CFAP45: variants seen among roughly 807,000 people sequenced by gnomAD.
CFAP45 encodes the protein cilia and flagella associated protein 45, also known as cilia- and flagella-associated protein 45.
A neutral mutation model predicts 75.6 loss-of-function variants in CFAP45; 43 were observed. That is an observed-to-expected ratio of 0.57 (90% CI 0.45 to 0.73). The LOEUF is 0.73. Among genes scored for constraint, CFAP45 ranks in the 30% least tolerant of loss-of-function variants. The pLI is 0.00. For synonymous variants in CFAP45, 223 were observed against 244.6 expected, an observed-to-expected ratio of 0.91 and a Z score of 0.82; for missense variants, 689 against 701.5, an observed-to-expected ratio of 0.98 and a Z score of 0.20.
chr1:159,889,407 G>GTT (rs1484515069), intron 3 of CFAP45, among the ~76,000 whole-genome samples: 1 of 152,186 alleles, frequency 6.6e-6, no homozygotes, highest in African/African-American at 2.4e-5. Flanking sequence ...ATGTGTGTGT[G>GTT]TTGGGGGAGG....
rs374555697 is a variant in CFAP45 at position 159,873,281 on chromosome 1, C to T, written c.1353-113G>A. On this transcript the variant is annotated intron_variant, in intron 10 of 11. Transcript: ENST00000368099. ...TTCAGTAGACATGCCTCAGAGACCA[C>T]AGCCCTCTGGGCTCCAGCCCCATTT... The T allele has an allele frequency of 1.5e-5, 12 of 800,482 alleles. No homozygotes were observed. In the East Asian group the frequency reaches 2.7e-4, roughly 18 times the overall value. 49.6% of individuals were successfully genotyped at this position (800,482 alleles called of 1,614,324 possible). A position where few individuals can be genotyped will look rare whatever the true frequency, so the allele number is the denominator to read the frequency against.
chr1:159,884,572 G>C lies in CFAP45; in HGVS notation c.768-7C>G, dbSNP rs115172513. 1 of 1,612,904 alleles carries C rather than the reference G, an allele frequency of 6.2e-7. No homozygotes were observed. The highest frequency in any genetic ancestry group is 8.5e-7 in the Non-Finnish European group (1 of 1,179,782). ...CACAATTTGCCGCCTTCCTCTTGGA[G>C]AGAACAGTGCCACAGTGTCTTAGAA... On this transcript the variant is annotated splice_region_variant and splice_polypyrimidine_tract_variant and intron_variant, in intron 6 of 11. Coordinates refer to ENST00000368099, the MANE Select transcript of CFAP45 (RefSeq NM_012337.3).
At chr1:159,885,869 G>A (rs1043056905) in intron 6 of CFAP45, among the ~76,000 whole-genome samples, 3 of 151,776 alleles carry the variant, frequency 2.0e-5, no homozygotes, top group African/African-American at 7.3e-5. Context: ...TTTCCAGGAG[G>A]AAAAGGAAAG....
chr1:159,873,060 C>G lies in CFAP45; in HGVS notation c.1461G>C (p.Gln487His). 6.2e-7 allele frequency: 1 copy of G among 1,614,274 alleles called. No individual in the cohort carries two copies. The highest frequency in any genetic ancestry group is 8.5e-7 in the Non-Finnish European group (1 of 1,180,054). ...ELRRQVRENQ[Q>H]KEVQNRIATF... The stretch of plus-strand genomic sequence containing the variant: ...TGGCAATCCGGTTCTGCACTTCCTT[C>G]TGCTGGTTCTCGCGCACCTGGCGCC... Residue 487 changes from glutamine (Q) to histidine (H), a missense_variant, in exon 11 of 12, where the codon CAG becomes CAC. Coordinates refer to ENST00000368099, the MANE Select transcript of CFAP45 (RefSeq NM_012337.3).
intron 4 of CFAP45, 104 bp from the exon 5 acceptor site, chr1:159,888,115 C>T (rs1649738293): frequency 7.5e-7 from 1 of 1,339,694 alleles, no homozygotes; most frequent in Non-Finnish European, 1.0e-6. Flanking sequence ...TTGCCTTGGC[C>T]AGTGATGATG....
chr1:159,890,757 CTTTTTTTTT>C (rs965390100), intron 2 of CFAP45, 135 bp from the exon 3 acceptor site: 2 of 319,392 alleles, frequency 6.3e-6, no homozygotes, highest in Non-Finnish European at 1.1e-5. Context: ...CTTTTCTTTT[CTTTTTTTTT>C]TTTTTTTTTT....
At chr1:159,897,043 C>A (rs1301269826) in intron 1 of CFAP45, among the ~76,000 whole-genome samples, 4 of 152,070 alleles carry the variant, frequency 2.6e-5, no homozygotes, top group Non-Finnish European at 5.9e-5. Flanking sequence ...GTGGGTGGAT[C>A]CATCGAACTC....
In CFAP45 at chr1:159,893,202, T is replaced by C. The variant is rs774925941; in HGVS notation, c.107A>G (p.Glu36Gly). The C allele has an allele frequency of 6.2e-7, 1 of 1,614,030 alleles. No homozygotes were observed. The highest frequency in any genetic ancestry group is 8.5e-7 in the Non-Finnish European group (1 of 1,179,916). The change falls in exon 2 of 12, where the codon GAG becomes GGG. Residue 36 changes from glutamate (E) to glycine (G), a missense_variant. Physicochemically the swap from Glu to Gly is moderately conservative, Grantham distance 98. Transcript: ENST00000368099. ...RTKAVSSEVD[E>G]SLFGDIKSPA... ...TACCTTGATATCTCCAAAGAGGCTCTCATCCACCTCAGAGCTCACGGCTTT... is the reference window on the plus strand; with the variant it reads ...TACCTTGATATCTCCAAAGAGGCTCCCATCCACCTCAGAGCTCACGGCTTT...
chr1:159,887,715 A>T, intron 5 of CFAP45, 126 bp downstream of exon 5: 1 of 950,316 alleles, frequency 1.1e-6, no homozygotes, highest in Non-Finnish European at 1.6e-6. Flanking sequence ...CAGCAGGTGC[A>T]GCTCTCCCCC....
At chr1:159,886,823 G>A (rs562455693) in intron 5 of CFAP45, 134 bp from the exon 6 acceptor site, 2 of 719,580 alleles carry the variant, frequency 2.8e-6, no homozygotes, top group African/African-American at 3.5e-5. Flanking sequence ...GGGGAAATAA[G>A]AATGTTCTTA....
At chr1:159,873,523 T>C in intron 10 of CFAP45, 1 of 277,916 alleles carries the variant, frequency 3.6e-6, no homozygotes, top group South Asian at 4.5e-5. Context: ...CAGGCTGGAA[T>C]GCAGTGGTGC....
At chr1:159,895,487 A>T (rs1649932326) in intron 1 of CFAP45, among the ~76,000 whole-genome samples, 1 of 152,202 alleles carries the variant, frequency 6.6e-6, no homozygotes, top group Non-Finnish European at 1.5e-5. Context: ...TCAGGTTTTC[A>T]CACTCGATTG....
At chr1:159,887,776 G>T (rs1042737279) in intron 5 of CFAP45, 65 bp downstream of exon 5, 4 of 1,519,564 alleles carry the variant, frequency 2.6e-6, no homozygotes, top group African/African-American at 2.7e-5. Flanking sequence ...TCCAGTGCGG[G>T]AATAAGGGGA....
chr1:159,886,597 C>G lies in CFAP45; in HGVS notation c.681G>C (p.Arg227=), dbSNP rs1410312063. Residue 227 remains arginine (R), a synonymous_variant, in exon 6 of 12, where the codon CGG becomes CGC. Transcript: ENST00000368099. The part of the protein sequence containing the change: ...IQKELDTEEK[R]LDQMMEVERQ... ...GCTCCACTTCCATCATCTGATCCAA[C>G]CGCTTCTCTTCTGTGTCCAGTTCTT... is the stretch of plus-strand genomic sequence containing the variant. 1 of 1,614,068 alleles carries G rather than the reference C, an allele frequency of 6.2e-7. No homozygotes were observed. Among genetic ancestry groups the G allele is most frequent in the East Asian group, 2.2e-5 (1 of 44,900 alleles).
intron 10 of CFAP45, 52 bp from the exon 11 acceptor site, chr1:159,873,220 A>C: frequency 6.5e-7 from 1 of 1,545,878 alleles, no homozygotes; most frequent in Middle Eastern, 1.7e-4. Flanking sequence ...GGCCCAGGCC[A>C]GGAAAGGTGG....
intron 7 of CFAP45, among the ~76,000 whole-genome samples, chr1:159,882,761 A>G (rs1233352444): frequency 6.6e-6 from 1 of 151,224 alleles, no homozygotes; most frequent in Admixed American, 6.6e-5. Flanking sequence ...ACTAATTCCC[A>G]CTCCCCACAT....
At position 159,886,689 on chromosome 1, in the gene CFAP45, T is replaced by C. The variant is rs144521712; in HGVS notation, c.589A>G (p.Ile197Val). 15 of 1,613,622 alleles carry C rather than the reference T, an allele frequency of 9.3e-6. No individual in the cohort carries two copies. In the African/African-American group the frequency reaches 1.9e-4, roughly 20 times the overall value. The change falls in exon 6 of 12, where the codon ATT becomes GTT. Residue 197 changes from isoleucine to valine, a missense_variant and splice_region_variant. Ile to Val is a conservative substitution (Grantham distance 29). Coordinates refer to ENST00000368099, the MANE Select transcript of CFAP45 (RefSeq NM_012337.3). ...QEEELKDMSK[I>V]ILNAKCHAIR... Reference sequence around the variant, plus strand: ...GCATGGCACTTAGCATTGAGGATAATCTGGAGAGTGGAGATTAAACTGTAG... The same window carrying C: ...GCATGGCACTTAGCATTGAGGATAACCTGGAGAGTGGAGATTAAACTGTAG...
intron 7 of CFAP45, 121 bp from the exon 8 acceptor site, chr1:159,880,821 C>A (rs1192874653): frequency 1.2e-6 from 1 of 820,790 alleles, no homozygotes; most frequent in Non-Finnish European, 1.9e-6. Flanking sequence ...AGTCTAGTGT[C>A]CACAACTATC....
chr1:159,874,724 G>A (rs1037386004), intron 10 of CFAP45, among the ~76,000 whole-genome samples: 17 of 152,294 alleles, frequency 1.1e-4, no homozygotes, highest in African/African-American at 4.1e-4. Flanking sequence ...ACAGAGCCTA[G>A]CTACATTTTA....
Sources: gnomAD v4.1 joint callset for allele counts (sites outside exome capture counted in the v4.1 genomes callset) on GRCh38, gnomAD v4.1.1 for gene constraint, MANE v1.5 for transcripts, NCBI Gene and HGNC (gene_info 2026-07-23, HGNC 2026-07-21) for gene names.